Variants in PCLO observed in about 807,000 individuals in gnomAD.
PCLO encodes the protein protein piccolo.
In PCLO, 82 loss-of-function variants were observed where a neutral mutation model predicts 427.5. That is an observed-to-expected ratio of 0.19 (90% CI 0.16 to 0.23). The LOEUF (loss-of-function observed/expected upper bound fraction) is 0.23. Among genes scored for constraint, PCLO ranks in the 10% least tolerant of loss-of-function variants. PCLO has a pLI of 1.00. For synonymous variants in PCLO, 2,357 were observed against 2,155.4 expected, an observed-to-expected ratio of 1.09 and a Z score of -2.59; for missense variants, 6,239 against 6,115.9, an observed-to-expected ratio of 1.02 and a Z score of -0.67.
chr7:82,880,320 A>G (rs1793475043), intron 9 of PCLO: 1 of 341,538 alleles, frequency 2.9e-6, no homozygotes, highest in Non-Finnish European at 6.0e-6. Context: ...GTACACTTTA[A>G]TGCATAGTGG....
intron 4 of PCLO, among the ~76,000 whole-genome samples, chr7:82,957,307 CA>C (rs1194270223): frequency 6.6e-6 from 1 of 152,010 alleles, no homozygotes; most frequent in Non-Finnish European, 1.5e-5. Context: ...TTTCTATTAA[CA>C]TAAGTTATAC....
In PCLO at chr7:82,915,823, T is replaced by A. The variant is rs1325398202; in HGVS notation, c.12163A>T (p.Ile4055Phe). The change falls in exon 7 of 25, where the codon ATC becomes TTC. Residue 4055 changes from isoleucine (I) to phenylalanine (F), a missense_variant. This residue lies in a region of PCLO where 680 missense variants were observed against 677.3 expected (regional missense o/e 1.00). Transcript: ENST00000333891. ...CTTAATGCCGCTGTTCCTTTGGTGA[T>A]CTCTCCAATGTCGTCAATTAGGACA... ...NYVLIDDIGE[I>F]TKGTAALSTA... 2.5e-6 allele frequency: 4 copies of A among 1,613,450 alleles called. No individual in the cohort carries two copies. The highest frequency in any genetic ancestry group is 2.5e-6 in the Non-Finnish European group (3 of 1,179,674).
chr7:82,976,297 C>T (rs1012141381), intron 3 of PCLO, among the ~76,000 whole-genome samples: 3 of 152,132 alleles, frequency 2.0e-5, no homozygotes, highest in Admixed American at 6.6e-5. Flanking sequence ...GACCTGTCCT[C>T]ATGGGTTCCA....
At chr7:82,783,652 C>T (rs1790923938) in intron 22 of PCLO, among the ~76,000 whole-genome samples, 1 of 151,778 alleles carries the variant, frequency 6.6e-6, no homozygotes, top group South Asian at 2.1e-4. Context: ...AAATTGCACC[C>T]TAGATGTAAT....
At chr7:82,829,182 C>T (rs1002786457) in intron 16 of PCLO, among the ~76,000 whole-genome samples, 2 of 152,132 alleles carry the variant, frequency 1.3e-5, no homozygotes, top group African/African-American at 4.8e-5. Context: ...CAAGTACTTT[C>T]CCTGTATCTC....
intron 9 of PCLO, among the ~76,000 whole-genome samples, chr7:82,892,293 C>A (rs1264585534): frequency 6.6e-6 from 1 of 152,066 alleles, no homozygotes; most frequent in African/African-American, 2.4e-5. Context: ...ACTATCTGAT[C>A]TTTGACAAAC....
chr7:82,766,414 T>C (rs1025885526), intron 22 of PCLO, among the ~76,000 whole-genome samples: 1 of 151,960 alleles, frequency 6.6e-6, no homozygotes, highest in Non-Finnish European at 1.5e-5. Flanking sequence ...CCTAGTTAAA[T>C]GAGGTGGCAA....
chr7:82,951,140 A>G lies in PCLO; in HGVS notation c.9448T>C (p.Ser3150Pro). The G allele has an allele frequency of 1.2e-6, 2 of 1,613,798 alleles. No individual in the cohort carries two copies. Among genetic ancestry groups the G allele is most frequent in the African/African-American group, 1.3e-5 (1 of 75,056 alleles). Residue 3150 changes from serine (S) to proline (P), a missense_variant, in exon 6 of 25, where the codon TCT (serine) becomes CCT (proline). This residue lies in a region of PCLO where 4,677 missense variants were observed against 4,468.4 expected (regional missense o/e 1.05). Coordinates refer to ENST00000333891, the MANE Select transcript of PCLO (RefSeq NM_033026.6). ...CCAGTTACTGCAATGTCCGTTTCAG[A>G]TGCACCTGTTGTTATAAAATATGAT... ...PRSYFITTGASETDIAVTGID... is the reference protein window; with the variant it reads ...PRSYFITTGAPETDIAVTGID...
chr7:82,995,871 T>G (rs1449203936), intron 3 of PCLO, among the ~76,000 whole-genome samples: 3 of 151,974 alleles, frequency 2.0e-5, no homozygotes, highest in Non-Finnish European at 4.4e-5. Context: ...CTTAATGTTT[T>G]GTTTGACATA....
intron 3 of PCLO, among the ~76,000 whole-genome samples, chr7:82,977,130 ATT>A (rs1796035300): frequency 6.6e-6 from 1 of 152,064 alleles, no homozygotes; most frequent in Admixed American, 6.6e-5. Context: ...CAGTGCCAAT[ATT>A]ATCTAATACA....
intron 20 of PCLO, among the ~76,000 whole-genome samples, chr7:82,809,599 A>G (rs202229999): frequency 3.9e-5 from 3 of 77,788 alleles, no homozygotes; most frequent in Admixed American, 2.6e-4. Context: ...TTTAATGAAT[A>G]AGTAATAATA....
At chr7:82,860,616 T>C (rs1472528787) in intron 10 of PCLO, among the ~76,000 whole-genome samples, 1 of 152,022 alleles carries the variant, frequency 6.6e-6, no homozygotes, top group African/African-American at 2.4e-5. Flanking sequence ...AATCACCTGA[T>C]GGTCCAAAAT....
chr7:82,840,304 C>T (rs926252725), intron 14 of PCLO, among the ~76,000 whole-genome samples: 3 of 151,932 alleles, frequency 2.0e-5, no homozygotes. Flanking sequence ...CAACCTTCTG[C>T]ACATTTTCTC....
chr7:82,956,454 A>G lies in PCLO; in HGVS notation c.4499T>C (p.Val1500Ala), dbSNP rs758673097. The part of the protein sequence containing the change: ...SKDHKEKSEF[V>A]DDITTRREPY... ...CTCTCTTCTAGTAGTTATGTCATCA[A>G]CAAACTCAGACTTCTCTTTATGGTC... is the stretch of plus-strand genomic sequence containing the variant. The change falls in exon 5 of 25, where the codon GTT becomes GCT. Residue 1500 changes from valine (V) to alanine (A), a missense_variant. Physicochemically the swap from Val to Ala is moderately conservative, Grantham distance 64. Coordinates refer to ENST00000333891, the MANE Select transcript of PCLO (RefSeq NM_033026.6). 3.7e-6 allele frequency: 6 copies of G among 1,613,658 alleles called. No individual in the cohort carries two copies. In the Admixed American group the frequency reaches 5.0e-5, roughly 13 times the overall value.
intron 3 of PCLO, among the ~76,000 whole-genome samples, chr7:82,992,432 T>A (rs902155551): frequency 2.0e-5 from 3 of 152,074 alleles, no homozygotes; most frequent in African/African-American, 7.2e-5. Flanking sequence ...TAGTGTGTTG[T>A]AATAATGGAA....
At chr7:82,760,897 T>G in intron 23 of PCLO, 113 bp from the exon 24 acceptor site, 1 of 480,088 alleles carries the variant, frequency 2.1e-6, no homozygotes, top group South Asian at 4.6e-5. Flanking sequence ...GCCAGCAGAT[T>G]GTAAACGATT....
At chr7:82,856,927 G>T (rs966840527) in intron 10 of PCLO, among the ~76,000 whole-genome samples, 2 of 151,984 alleles carry the variant, frequency 1.3e-5, no homozygotes, top group African/African-American at 2.4e-5. Flanking sequence ...GAGTGGGTTA[G>T]TTATCCCAAA....
intron 8 of PCLO, 91 bp downstream of exon 8, chr7:82,908,786 C>T: frequency 9.1e-7 from 1 of 1,095,528 alleles, no homozygotes; most frequent in Admixed American, 2.3e-5. Context: ...AAACAAACAT[C>T]TCATTCCTTT....
At position 83,023,677 on chromosome 7, in the gene PCLO, A is replaced by C. The variant is rs1583919154; in HGVS notation, c.3301-57190T>G. 2.6e-5 allele frequency among the ~76,000 whole-genome samples: 4 copies of C among 152,292 alleles called. No homozygotes were observed. The South Asian group carries it at 8.3e-4, about 32-fold the overall frequency. On this transcript the variant is annotated intron_variant, in intron 3 of 24. Coordinates refer to ENST00000333891, the MANE Select transcript of PCLO (RefSeq NM_033026.6). ...TTTTTGCTTGCCCCCCAAAAACTGAACATGTCTTGTATGGGTGCCATGAGT... is the reference window on the plus strand; with the variant it reads ...TTTTTGCTTGCCCCCCAAAAACTGACCATGTCTTGTATGGGTGCCATGAGT...
Sources: allele counts gnomAD v4.1 joint callset (sites outside exome capture counted in the v4.1 genomes callset), GRCh38; gene constraint gnomAD v4.1.1; regional missense constraint gnomAD v4.1.1; transcripts MANE v1.5; gene names NCBI Gene and HGNC (gene_info 2026-07-23, HGNC 2026-07-21).